Variants in THAP5 observed in about 807,000 individuals in gnomAD.
The protein encoded by THAP5 is THAP domain containing 5.
A neutral mutation model predicts 34.0 loss-of-function variants in THAP5; 26 were observed. The ratio of observed to expected loss-of-function variants is 0.77; its 90% CI spans 0.56 to 1.06. The LOEUF is 1.06. THAP5 is among the 50% of genes least tolerant of loss of function. THAP5 has a pLI of 0.00. For synonymous variants in THAP5, 125 were observed against 153.0 expected (o/e 0.82, Z 1.35); for missense variants, 394 against 452.8 (o/e 0.87, Z 1.18).
the THAP5 span, among the ~76,000 whole-genome samples, chr7:108,544,267 C>G: frequency 2.0e-5 from 3 of 152,056 alleles, 1 homozygote; most frequent in Admixed American, 2.0e-4. Context: ...TGGTTTACAT[C>G]TGTAATCCCA....
chr7:108,542,837 G>T, the THAP5 span, among the ~76,000 whole-genome samples: 3 of 152,176 alleles, frequency 2.0e-5, no homozygotes, highest in East Asian at 5.8e-4. Context: ...CTGGTCTGGA[G>T]AATTCAAAAT....
At chr7:108,551,181 T>C (rs40928), downstream of THAP5, among the ~76,000 whole-genome samples, 44,125 of 152,062 alleles carry the variant, frequency 0.29, 6,775 homozygotes, top group Non-Finnish European at 0.34. Context: ...TTTCGCTAAG[T>C]TGCTGTTTTT....
the THAP5 span, among the ~76,000 whole-genome samples, chr7:108,545,089 T>C: frequency 6.6e-6 from 1 of 152,244 alleles, no homozygotes; most frequent in African/African-American, 2.4e-5. Flanking sequence ...TTTAGAAAGA[T>C]ATAGATTGCT....
At chr7:108,549,178 G>A in the THAP5 span, among the ~76,000 whole-genome samples, 67 of 148,800 alleles carry the variant, frequency 4.5e-4, no homozygotes, top group Middle Eastern at 0.014. Context: ...CTGGAGTGCC[G>A]TGACAGGATC....
downstream of THAP5, among the ~76,000 whole-genome samples, chr7:108,559,185 A>G (rs983309675): frequency 1.3e-5 from 2 of 152,240 alleles, no homozygotes; most frequent in Non-Finnish European, 2.9e-5. Flanking sequence ...GATTGAGTCA[A>G]TATCACAGCC....
chr7:108,556,379 G>A (rs906421971), intron 1 of THAP5, among the ~76,000 whole-genome samples: 5 of 152,154 alleles, frequency 3.3e-5, no homozygotes, highest in African/African-American at 1.2e-4. Flanking sequence ...TTCTGCCTAT[G>A]AGTCTGTAAA....
chr7:108,554,373 A>G (rs1864372432), downstream of THAP5, among the ~76,000 whole-genome samples: 1 of 152,184 alleles, frequency 6.6e-6, no homozygotes, highest in African/African-American at 2.4e-5. Flanking sequence ...AGATTTTTCA[A>G]GATGAGCTGC....
the THAP5 span, among the ~76,000 whole-genome samples, chr7:108,541,858 A>G: frequency 6.6e-6 from 1 of 152,236 alleles, no homozygotes; most frequent in African/African-American, 2.4e-5. Flanking sequence ...ATTTCAAAGC[A>G]TCCTGAAATT....
At chr7:108,555,643 G>A (rs1205442730) in intron 1 of THAP5, among the ~76,000 whole-genome samples, 5 of 152,066 alleles carry the variant, frequency 3.3e-5, no homozygotes, top group Admixed American at 6.5e-5. Flanking sequence ...CATGGTTGAG[G>A]AGGCCTCAGG....
At chr7:108,560,081 G>T (rs985701113), downstream of THAP5, among the ~76,000 whole-genome samples, 1 of 152,134 alleles carries the variant, frequency 6.6e-6, no homozygotes, top group Non-Finnish European at 1.5e-5. Flanking sequence ...CTATTTATTA[G>T]TTCATATTAG....
At chr7:108,545,278 G>A in the THAP5 span, among the ~76,000 whole-genome samples, 4 of 152,306 alleles carry the variant, frequency 2.6e-5, no homozygotes, top group East Asian at 7.7e-4. Flanking sequence ...TTTTTAAAGT[G>A]TAGTGAAAGT....
intron 1 of THAP5, among the ~76,000 whole-genome samples, chr7:108,555,481 T>A (rs903428739): frequency 1.3e-5 from 2 of 151,840 alleles, no homozygotes; most frequent in African/African-American, 4.8e-5. Flanking sequence ...AACAACAGAT[T>A]TTTAACACCT....
At chr7:108,552,760 A>G (rs918847311), downstream of THAP5, among the ~76,000 whole-genome samples, 15 of 151,862 alleles carry the variant, frequency 9.9e-5, no homozygotes, top group Non-Finnish European at 1.9e-4. Context: ...AGGTCACGCT[A>G]TTGCACTCCA....
intron 1 of THAP5, among the ~76,000 whole-genome samples, chr7:108,556,107 A>C (rs1230970961): frequency 6.6e-6 from 1 of 152,170 alleles, no homozygotes; most frequent in African/African-American, 2.4e-5. Context: ...GAGAACAGCA[A>C]GAGGAAAGTC....
At chr7:108,559,385 G>A (rs370671704), downstream of THAP5, among the ~76,000 whole-genome samples, 14 of 152,234 alleles carry the variant, frequency 9.2e-5, no homozygotes, top group African/African-American at 3.4e-4. Context: ...GAGGAAATAA[G>A]TGAATACATT....
intron 1 of THAP5, 76 bp downstream of exon 1, chr7:108,569,414 G>T (rs551421770): frequency 1.9e-6 from 3 of 1,547,876 alleles, no homozygotes; most frequent in East Asian, 2.4e-5. Flanking sequence ...GAGCGGACAG[G>T]AGACACCCAA....
chr7:108,566,813 A>G (rs1425281883), intron 1 of THAP5, among the ~76,000 whole-genome samples: 1 of 152,334 alleles, frequency 6.6e-6, no homozygotes, highest in South Asian at 2.1e-4. Context: ...AGTTGGTGCT[A>G]ACATTACAGT....
At chr7:108,551,396 A>G (rs1212848732), downstream of THAP5, among the ~76,000 whole-genome samples, 1 of 152,230 alleles carries the variant, frequency 6.6e-6, no homozygotes, top group Non-Finnish European at 1.5e-5. Flanking sequence ...CTCTTCTGCC[A>G]TATGAGGACA....
Position 108,562,176 on chromosome 7 carries a change from A to G in THAP5, c.*2015T>C, listed in dbSNP as rs991639582. On this transcript the variant is annotated 3_prime_UTR_variant, in exon 3 of 3. Coordinates refer to ENST00000415914, the MANE Select transcript of THAP5 (RefSeq NM_001130475.3). ...TATTAAAGAAATAAAGCTAGTTTAA[A>G]TTTTTTCTGAGGAACCTGTAACTTT... The G allele has an allele frequency of 6.6e-6, 1 of 152,156 alleles. No individual in the cohort carries two copies. The highest frequency in any genetic ancestry group is 2.1e-4 in the South Asian group (1 of 4,832). The allele number at this position is 152,156 out of a possible 1,614,324, so 9.4% of individuals were successfully genotyped here.
Sources: gnomAD v4.1 joint callset for allele counts (sites outside exome capture counted in the v4.1 genomes callset) on GRCh38, gnomAD v4.1.1 for gene constraint, MANE v1.5 for transcripts, NCBI Gene and HGNC (gene_info 2026-07-23, HGNC 2026-07-21) for gene names.